The following NHS variants were observed in gnomAD, a reference collection of about 807,000 sequenced individuals.
NHS encodes the protein actin remodeling regulator NHS.
In NHS, 5 loss-of-function variants were observed where a neutral mutation model predicts 72.5. The observed-to-expected ratio is 0.07, with a 90% CI of 0.04 to 0.14. The LOEUF (loss-of-function observed/expected upper bound fraction) is 0.14. NHS is among the 10% of genes least tolerant of loss of function. The pLI, the probability that NHS is intolerant of heterozygous loss-of-function variation, is 1.00. For missense variants in NHS, 1,072 were observed against 1,355.7 expected (o/e 0.79, Z 3.29); for synonymous variants, 464 against 547.7 (o/e 0.85, Z 2.13).
chrX:17,576,545 T>C (rs1231589418), intron 1 of NHS, among the ~76,000 whole-genome samples: 1 of 111,648 alleles, frequency 9.0e-6, no homozygotes, highest in Non-Finnish European at 1.9e-5. Context: ...CTTGTGTGGG[T>C]TAAATTACTT....
At chrX:17,393,957 C>A (rs1384709692) in intron 1 of NHS, among the ~76,000 whole-genome samples, 1 of 111,410 alleles carries the variant, frequency 9.0e-6, no homozygotes, top group Non-Finnish European at 1.9e-5. Flanking sequence ...TCCCTGACTC[C>A]GTTGCTGAGT....
At chrX:17,587,567 C>T (rs1473793814) in intron 1 of NHS, among the ~76,000 whole-genome samples, 1 of 112,045 alleles carries the variant, frequency 8.9e-6, no homozygotes, top group African/African-American at 3.3e-5. Context: ...CGCAATTGTG[C>T]GAATAATGTA....
chrX:17,539,057 C>T (rs1177088300), intron 1 of NHS, among the ~76,000 whole-genome samples: 1 of 112,534 alleles, frequency 8.9e-6, no homozygotes, highest in Non-Finnish European at 1.9e-5. Context: ...CATGACACCT[C>T]TACCATTTTT....
chrX:17,726,047 A>AACC lies in NHS; in HGVS notation c.1943_1945dup (p.Thr648dup), dbSNP rs797045740. On this transcript the variant is annotated inframe_insertion, in exon 7 of 9. Transcript: ENST00000676302. ...CCACGTGCCCCTCGCAGACCTCAGA[A>AACC]ACCATCCCTCCTGCAGCTTCTCCTC... 3 of 1,211,438 alleles carry AACC rather than the reference A, an allele frequency of 2.5e-6. No individual in the cohort carries two copies. In the African/African-American group the frequency reaches 5.2e-5, roughly 21 times the overall value.
intron 1 of NHS, among the ~76,000 whole-genome samples, chrX:17,617,824 G>T (rs951512336): frequency 8.9e-6 from 1 of 112,235 alleles, no homozygotes; most frequent in African/African-American, 3.2e-5. Context: ...CCTCTGGGAA[G>T]CATGCTGTCC....
intron 1 of NHS, among the ~76,000 whole-genome samples, chrX:17,614,246 A>G (rs781504555): frequency 8.9e-6 from 1 of 112,578 alleles, no homozygotes; most frequent in Admixed American, 9.4e-5. Context: ...AAGACTTTGA[A>G]GCTCCTCACA....
rs2066518251 is a variant in NHS, at chrX:17,735,493, G to C, written c.*3029G>C. The C allele has an allele frequency of 8.9e-6, 1 of 112,805 alleles. No individual in the cohort carries two copies. Among genetic ancestry groups the C allele is most frequent in the Non-Finnish European group, 1.9e-5 (1 of 53,302 alleles). 9.3% of individuals were successfully genotyped at this position (112,805 alleles called of 1,213,427 possible). On this transcript the variant is annotated 3_prime_UTR_variant, in exon 9 of 9. Transcript: ENST00000676302. ...TTTTTAAAAATTCTACTTTGGTTTTGTTGTTGTTTTGATTTGTTTTTGGCT... is the reference window on the plus strand; with the variant it reads ...TTTTTAAAAATTCTACTTTGGTTTTCTTGTTGTTTTGATTTGTTTTTGGCT...
chrX:17,623,457 A>C (rs2065783676), intron 1 of NHS, among the ~76,000 whole-genome samples: 1 of 110,106 alleles, frequency 9.1e-6, no homozygotes, highest in African/African-American at 3.3e-5. Context: ...TCCTCCTTTC[A>C]TTTGCATGTG....
intron 1 of NHS, among the ~76,000 whole-genome samples, chrX:17,413,690 C>T (rs2064574974): frequency 8.9e-6 from 1 of 112,055 alleles, no homozygotes; most frequent in Admixed American, 9.5e-5. Context: ...ACTATCTGCT[C>T]ACCTGTTTGT....
intron 3 of NHS, among the ~76,000 whole-genome samples, chrX:17,708,632 T>C (rs1048284345): frequency 9.0e-6 from 1 of 111,337 alleles, no homozygotes; most frequent in African/African-American, 3.3e-5. Context: ...GGTGGCAGGA[T>C]TAAACTTCAT....
intron 5 of NHS, among the ~76,000 whole-genome samples, chrX:17,723,743 G>GTGTGTGTGTGTGTGTGTGTGTA (rs1569318255): frequency 6.5e-5 from 6 of 92,586 alleles, no homozygotes; most frequent in African/African-American, 2.9e-4. Flanking sequence ...GTGTGTGTGT[G>GTGTGTGTGTGTGTGTGTGTGTA]TGTGTGTGTG....
At chrX:17,609,030 G>T (rs1432439281) in intron 1 of NHS, among the ~76,000 whole-genome samples, 2 of 111,664 alleles carry the variant, frequency 1.8e-5, no homozygotes, top group African/African-American at 6.5e-5. Flanking sequence ...GAATCCACTT[G>T]ATTGGTCAGT....
Position 17,603,492 on chromosome X carries a change from A to G in NHS, c.566-84250A>G, listed in dbSNP as rs1051153755. Among the ~76,000 whole-genome samples, 7 of 111,981 alleles carry G rather than the reference A, an allele frequency of 6.3e-5. No homozygotes were observed. In the Admixed American group the frequency reaches 6.6e-4, roughly 11 times the overall value. ...TGTAACCATTTCAAATCTCTCTCCA[A>G]GACATTTCAGAGCTCAGAAAATAGA... On this transcript the variant is annotated intron_variant, in intron 1 of 8. Coordinates refer to ENST00000676302, the MANE Select transcript of NHS (RefSeq NM_001291867.2).
At position 17,695,689 on chromosome X, in the gene NHS, T is replaced by G. The variant is rs958467601; in HGVS notation, c.852+3221T>G. On this transcript the variant is annotated intron_variant, in intron 3 of 8. Coordinates refer to ENST00000676302, the MANE Select transcript of NHS (RefSeq NM_001291867.2). ...CTGTCTGGTGGCATCTGGTGATGGC[T>G]CCAAAGTAACCTCATAACTCCTACA... 5.4e-5 allele frequency among the ~76,000 whole-genome samples: 6 copies of G among 111,354 alleles called. No homozygotes were observed. In the South Asian group the frequency reaches 2.3e-3, roughly 42 times the overall value.
Position 17,471,459 on chromosome X carries a change from A to T in NHS, c.565+95137A>T, listed in dbSNP as rs746240645. On this transcript the variant is annotated intron_variant, in intron 1 of 8. Transcript: ENST00000676302. ...GGAAAAGAGCAACATTTAGATTTTTAAAAAATAACAAATTATCCAATTATC... is the reference window on the plus strand; with the variant it reads ...GGAAAAGAGCAACATTTAGATTTTTTAAAAATAACAAATTATCCAATTATC... Among the ~76,000 whole-genome samples the T allele has an allele frequency of 8.9e-5, 10 of 112,670 alleles. No homozygotes were observed. The South Asian group carries it at 1.8e-3, about 21-fold the overall frequency.
chrX:17,731,427 G>A (rs1469681380), intron 8 of NHS, among the ~76,000 whole-genome samples: 3 of 108,647 alleles, frequency 2.8e-5, no homozygotes, highest in Non-Finnish European at 5.7e-5. Context: ...TAGTAGAGAC[G>A]GGGTTTCACC....
intron 1 of NHS, among the ~76,000 whole-genome samples, chrX:17,490,948 A>T (rs911911140): frequency 4.5e-5 from 5 of 111,841 alleles, no homozygotes; most frequent in African/African-American, 1.6e-4. Flanking sequence ...GTGTATAGGA[A>T]TGCTTGTGAT....
At chrX:17,713,810 G>A (rs1419323436) in intron 3 of NHS, among the ~76,000 whole-genome samples, 1 of 112,030 alleles carries the variant, frequency 8.9e-6, no homozygotes, top group African/African-American at 3.2e-5. Context: ...ACTGGAGTTT[G>A]AAAAATCTTC....
At chrX:17,505,294 G>A (rs760192856) in intron 1 of NHS, among the ~76,000 whole-genome samples, 1 of 111,208 alleles carries the variant, frequency 9.0e-6, no homozygotes, top group Non-Finnish European at 1.9e-5. Flanking sequence ...GCTTACTTTT[G>A]CAGCTATGTC....
Sources: gnomAD v4.1 joint callset for allele counts (sites outside exome capture counted in the v4.1 genomes callset) on GRCh38, gnomAD v4.1.1 for gene constraint, MANE v1.5 for transcripts, NCBI Gene and HGNC (gene_info 2026-07-23, HGNC 2026-07-21) for gene names.